CSNK1G1: variants seen among roughly 807,000 people sequenced by gnomAD.
CSNK1G1 encodes casein kinase I isoform gamma-1.
In CSNK1G1, 22 loss-of-function variants were observed where a neutral mutation model predicts 59.6. The ratio of observed to expected loss-of-function variants is 0.37; its 90% CI spans 0.26 to 0.53. The LOEUF is 0.53. Among genes scored for constraint, CSNK1G1 ranks in the 20% least tolerant of loss-of-function variants. The probability of loss-of-function intolerance (pLI) is 0.89; values close to 1 mark genes in which losing one functional copy is unlikely to be tolerated. For missense variants in CSNK1G1, 384 were observed against 519.5 expected (o/e 0.74, Z 2.54); for synonymous variants, 179 against 177.1 (o/e 1.01, Z -0.08).
intron 2 of CSNK1G1, among the ~76,000 whole-genome samples, chr15:64,272,771 G>C (rs893234695): frequency 2.0e-5 from 3 of 150,030 alleles, no homozygotes; most frequent in Admixed American, 6.6e-5. Flanking sequence ...TTTGGAATGG[G>C]GTCTTGCTCT....
chr15:64,223,251 T>C (rs1375400553), intron 4 of CSNK1G1, among the ~76,000 whole-genome samples: 1 of 152,170 alleles, frequency 6.6e-6, no homozygotes, highest in African/African-American at 2.4e-5. Flanking sequence ...AAAAATCCTG[T>C]ATATTTCATT....
intron 7 of CSNK1G1, among the ~76,000 whole-genome samples, chr15:64,205,503 T>C (rs552431995): frequency 6.6e-6 from 1 of 152,358 alleles, no homozygotes; most frequent in South Asian, 2.1e-4. Flanking sequence ...TGTATGTCAG[T>C]AACTCAAAAG....
At chr15:64,283,693 G>C (rs1328983042) in intron 2 of CSNK1G1, among the ~76,000 whole-genome samples, 1 of 152,088 alleles carries the variant, frequency 6.6e-6, no homozygotes, top group Non-Finnish European at 1.5e-5. Context: ...ATGTTGGCCA[G>C]GCTGGTCTCA....
chr15:64,189,629 A>G, intron 10 of CSNK1G1: 1 of 326,204 alleles, frequency 3.1e-6, no homozygotes, highest in African/African-American at 2.2e-5. Context: ...AAATCTTACA[A>G]ATGTTCACAG....
At position 64,259,123 on chromosome 15, in the gene CSNK1G1, C is replaced by G; in HGVS notation, c.222+78G>C. On this transcript the variant is annotated intron_variant, in intron 3 of 11. Transcript: ENST00000303052. ...CCATTAGCAGTTTTGCGAATGAATG[C>G]TTAAAACTATTTCCTATAAAAAGAT... 3.9e-6 allele frequency: 5 copies of G among 1,286,926 alleles called. No homozygotes were observed. In the East Asian group the frequency reaches 1.2e-4, roughly 32 times the overall value. 79.7% of individuals were successfully genotyped at this position (1,286,926 alleles called of 1,614,324 possible). A position where few individuals can be genotyped will look rare whatever the true frequency, so the allele number is the denominator to read the frequency against.
At chr15:64,327,636 C>A (rs1258296060) in intron 1 of CSNK1G1, among the ~76,000 whole-genome samples, 2 of 151,650 alleles carry the variant, frequency 1.3e-5, no homozygotes, top group East Asian at 3.9e-4. Flanking sequence ...TCCAAAGGAA[C>A]GCAGTTCCTC....
intron 2 of CSNK1G1, among the ~76,000 whole-genome samples, chr15:64,289,267 A>G (rs1032689230): frequency 3.9e-5 from 6 of 152,150 alleles, no homozygotes; most frequent in African/African-American, 1.4e-4. Flanking sequence ...CAAGATGTCA[A>G]TGCATAATCT....
At chr15:64,271,481 G>A (rs1893302622) in intron 2 of CSNK1G1, among the ~76,000 whole-genome samples, 1 of 151,684 alleles carries the variant, frequency 6.6e-6, no homozygotes, top group South Asian at 2.1e-4. Flanking sequence ...TAGAGACAGG[G>A]TCTCGCCATG....
intron 1 of CSNK1G1, among the ~76,000 whole-genome samples, chr15:64,343,950 T>C (rs142593174): frequency 6.6e-6 from 1 of 152,152 alleles, no homozygotes; most frequent in African/African-American, 2.4e-5. Flanking sequence ...ATCTATTGAA[T>C]TCAGCAAATT....
intron 6 of CSNK1G1, among the ~76,000 whole-genome samples, chr15:64,213,621 C>T (rs527587490): frequency 1.3e-5 from 2 of 152,278 alleles, no homozygotes; most frequent in African/African-American, 4.8e-5. Context: ...CATTAAAATG[C>T]TATCCTCTTT....
intron 2 of CSNK1G1, among the ~76,000 whole-genome samples, chr15:64,284,350 A>G (rs1218548929): frequency 6.6e-6 from 1 of 152,118 alleles, no homozygotes; most frequent in African/African-American, 2.4e-5. Flanking sequence ...AGTTTCCACA[A>G]AGAAGCCAGC....
intron 2 of CSNK1G1, among the ~76,000 whole-genome samples, chr15:64,283,071 G>A (rs1894228734): frequency 6.6e-6 from 1 of 152,116 alleles, no homozygotes; most frequent in Non-Finnish European, 1.5e-5. Flanking sequence ...ACACTGCTCA[G>A]GTGATGGGTG....
At chr15:64,222,282 G>T (rs1167207970) in intron 4 of CSNK1G1, among the ~76,000 whole-genome samples, 1 of 151,006 alleles carries the variant, frequency 6.6e-6, no homozygotes, top group Non-Finnish European at 1.5e-5. Context: ...GTTGGTGGAT[G>T]GGGGGTCGGG....
chr15:64,282,277 ATTTTTTT>A (rs1894184799), intron 2 of CSNK1G1, among the ~76,000 whole-genome samples: 1 of 151,310 alleles, frequency 6.6e-6, no homozygotes, highest in African/African-American at 2.4e-5. Context: ...TTTATTTTTT[ATTTTTTT>A]GAGACAGGGT....
chr15:64,349,472 T>A (rs1282398156), intron 1 of CSNK1G1, among the ~76,000 whole-genome samples: 1 of 152,110 alleles, frequency 6.6e-6, no homozygotes, highest in Non-Finnish European at 1.5e-5. Flanking sequence ...ATAATTCCCA[T>A]CCCTAGCACC....
chr15:64,219,704 C>T (rs1271249064), intron 4 of CSNK1G1, among the ~76,000 whole-genome samples: 2 of 152,092 alleles, frequency 1.3e-5, no homozygotes, highest in Non-Finnish European at 2.9e-5. Context: ...AACTGATCCT[C>T]CTGCTTTGAC....
At chr15:64,289,625 AAG>A (rs1894627262) in intron 2 of CSNK1G1, among the ~76,000 whole-genome samples, 1 of 151,372 alleles carries the variant, frequency 6.6e-6, no homozygotes. Flanking sequence ...CAAAAGAAAT[AAG>A]AGAGTGAACA....
rs1185431279 is a variant in CSNK1G1 at position 64,200,237 on chromosome 15, C to CA, written c.1107+2844dup. Among the ~76,000 whole-genome samples the CA allele has an allele frequency of 5.7e-3, 799 of 139,944 alleles. 10 individuals are homozygous for CA. Among genetic ancestry groups the CA allele is most frequent in the African/African-American group, 0.019 (719 of 38,226 alleles). 91.8% of individuals were successfully genotyped at this position (139,944 alleles called of 152,430 possible). A position where few individuals can be genotyped will look rare whatever the true frequency, so the allele number is the denominator to read the frequency against. The stretch of plus-strand genomic sequence containing the variant: ...TGGTGATAAGAGCTAAACTCTGTCT[C>CA]AAAAAAAAAAAGAGACACAAGGATA... On this transcript the variant is annotated intron_variant, in intron 10 of 11. Transcript: ENST00000303052. This position sits in a 1 kb window ranked among gnomAD's most constrained non-coding sequence, Gnocchi z 4.3.
At chr15:64,255,384 T>C (rs1892322086) in intron 3 of CSNK1G1, among the ~76,000 whole-genome samples, 1 of 152,190 alleles carries the variant, frequency 6.6e-6, no homozygotes, top group South Asian at 2.1e-4. Context: ...CTATTTGTCT[T>C]ATGTTTAAGA....
Sources: allele counts gnomAD v4.1 joint callset (sites outside exome capture counted in the v4.1 genomes callset), GRCh38; gene constraint gnomAD v4.1.1; non-coding constraint Gnocchi (gnomAD v3.1); transcripts MANE v1.5; gene names NCBI Gene and HGNC (gene_info 2026-07-23, HGNC 2026-07-21).